ANKS1B: variants seen among roughly 807,000 people sequenced by gnomAD.
ANKS1B encodes the protein ankyrin repeat and sterile alpha motif domain-containing protein 1B.
Under a neutral mutation model 148.3 loss-of-function variants are expected in ANKS1B, and 36 were observed. The ratio of observed to expected loss-of-function variants is 0.24; its 90% CI spans 0.19 to 0.32. The LOEUF (loss-of-function observed/expected upper bound fraction) is 0.32. ANKS1B is among the 10% of genes least tolerant of loss of function. The pLI is 1.00. For missense variants in ANKS1B, 1,157 were observed against 1,542.6 expected, an observed-to-expected ratio of 0.75 and a Z score of 4.19; for synonymous variants, 542 against 560.8, an observed-to-expected ratio of 0.97 and a Z score of 0.47.
intron 16 of ANKS1B, among the ~76,000 whole-genome samples, chr12:99,073,010 A>T (rs553065231): frequency 6.6e-6 from 1 of 152,342 alleles, no homozygotes; most frequent in South Asian, 2.1e-4. Context: ...TTTCAATACA[A>T]TTAATGGGCC....
chr12:99,770,192 C>T (rs1489099462), intron 8 of ANKS1B, among the ~76,000 whole-genome samples: 5 of 152,274 alleles, frequency 3.3e-5, no homozygotes, highest in Admixed American at 1.3e-4. Context: ...ACTTAAATCA[C>T]GTAAAGCATT....
At chr12:99,320,967 C>A (rs570921275) in intron 12 of ANKS1B, among the ~76,000 whole-genome samples, 1 of 152,280 alleles carries the variant, frequency 6.6e-6, no homozygotes, top group African/African-American at 2.4e-5. Flanking sequence ...TGCTGGAGGT[C>A]CACTCCAGAC....
At chr12:99,729,246 G>A (rs532456319) in intron 8 of ANKS1B, among the ~76,000 whole-genome samples, 1 of 152,072 alleles carries the variant, frequency 6.6e-6, no homozygotes, top group East Asian at 1.9e-4. Flanking sequence ...GCTAATTTTT[G>A]GCACCTTAAA....
rs193221577 is a variant in ANKS1B, at chr12:99,549,009, T to C, written c.1273-44368A>G. On this transcript the variant is annotated intron_variant, in intron 9 of 26. Coordinates refer to ENST00000683438, the MANE Select transcript of ANKS1B (RefSeq NM_001352186.2). ...GGACATAACATATAACAAAAAGGCA[T>C]ACTAGTGGGGAACTGGAGGTGGGGG... is the stretch of plus-strand genomic sequence containing the variant. Among the ~76,000 whole-genome samples the C allele has an allele frequency of 1.9e-3, 290 of 152,272 alleles. 1 individual carries two copies. Among genetic ancestry groups the C allele is most frequent in the African/African-American group, 6.8e-3 (281 of 41,558 alleles).
chr12:99,344,962 C>T (rs1208895914), intron 12 of ANKS1B: 1 of 152,008 alleles, frequency 6.6e-6, no homozygotes, highest in Non-Finnish European at 1.5e-5. Flanking sequence ...AGAAGAAAAG[C>T]ATTTAAGCTA....
intron 14 of ANKS1B, among the ~76,000 whole-genome samples, chr12:99,208,063 A>T (rs1422916959): frequency 6.6e-6 from 1 of 152,096 alleles, no homozygotes; most frequent in Admixed American, 6.6e-5. Flanking sequence ...GGAATTATTG[A>T]TCTGTTCTTA....
At chr12:98,857,312 T>C (rs2099576916) in intron 17 of ANKS1B, among the ~76,000 whole-genome samples, 1 of 152,150 alleles carries the variant, frequency 6.6e-6, no homozygotes, top group Non-Finnish European at 1.5e-5. Context: ...TGGGATACGG[T>C]GTGAGCAATG....
At chr12:99,898,988 C>T (rs926745698) in intron 1 of ANKS1B, among the ~76,000 whole-genome samples, 2 of 152,118 alleles carry the variant, frequency 1.3e-5, no homozygotes, top group African/African-American at 4.8e-5. Context: ...GGTTAGACAA[C>T]TTAATGAAGT....
chr12:99,154,165 A>G, intron 15 of ANKS1B, 124 bp downstream of exon 15: 1 of 1,217,072 alleles, frequency 8.2e-7, no homozygotes, highest in Non-Finnish European at 1.1e-6. Context: ...CCAATTTTCC[A>G]ATGCAGTTAC....
intron 9 of ANKS1B, among the ~76,000 whole-genome samples, chr12:99,608,325 G>A (rs2097866769): frequency 6.6e-6 from 1 of 151,970 alleles, no homozygotes; most frequent in South Asian, 2.1e-4. Flanking sequence ...AAATTCCTTT[G>A]ACCAACTTAG....
chr12:99,131,144 C>T (rs2065974025), intron 15 of ANKS1B, among the ~76,000 whole-genome samples: 1 of 152,180 alleles, frequency 6.6e-6, no homozygotes, highest in Admixed American at 6.5e-5. Flanking sequence ...TTGCTTTATT[C>T]TTCCTTCTGC....
At chr12:99,362,646 A>C (rs955270019) in intron 12 of ANKS1B, among the ~76,000 whole-genome samples, 1 of 152,062 alleles carries the variant, frequency 6.6e-6, no homozygotes, top group South Asian at 2.1e-4. Flanking sequence ...ACATTTTACT[A>C]TATATTTATA....
chr12:99,851,592 A>G (rs1440629358), intron 1 of ANKS1B, among the ~76,000 whole-genome samples: 1 of 152,188 alleles, frequency 6.6e-6, no homozygotes, highest in Non-Finnish European at 1.5e-5. Context: ...AATATTATTT[A>G]GTAAACTGGA....
At chr12:99,962,209 A>AC (rs2095422180) in intron 1 of ANKS1B, among the ~76,000 whole-genome samples, 1 of 150,312 alleles carries the variant, frequency 6.7e-6, no homozygotes. Context: ...TAACCCTCCC[A>AC]CCCCCATCAG....
At chr12:99,164,279 G>A (rs2153832266) in intron 14 of ANKS1B, among the ~76,000 whole-genome samples, 1 of 152,204 alleles carries the variant, frequency 6.6e-6, no homozygotes, top group Middle Eastern at 3.4e-3. Flanking sequence ...ATAGCCCAGA[G>A]CTGTAATATT....
At chr12:99,904,934 T>C (rs1188827760) in intron 1 of ANKS1B, among the ~76,000 whole-genome samples, 3 of 152,224 alleles carry the variant, frequency 2.0e-5, no homozygotes, top group African/African-American at 7.2e-5. Context: ...TTTGTATACT[T>C]AATTCCTAAC....
intron 17 of ANKS1B, among the ~76,000 whole-genome samples, chr12:98,929,749 A>T (rs1214057066): frequency 6.6e-6 from 1 of 152,086 alleles, no homozygotes; most frequent in Non-Finnish European, 1.5e-5. Flanking sequence ...CATTCAAAGG[A>T]ATGAAGTTGT....
intron 9 of ANKS1B, among the ~76,000 whole-genome samples, chr12:99,602,580 T>C (rs2097811973): frequency 6.6e-6 from 1 of 152,094 alleles, no homozygotes; most frequent in South Asian, 2.1e-4. Flanking sequence ...TTTTTCTTGC[T>C]TTTAGTTTTC....
chr12:99,284,008 T>C (rs1197968001), intron 12 of ANKS1B, among the ~76,000 whole-genome samples: 1 of 152,164 alleles, frequency 6.6e-6, no homozygotes, highest in Non-Finnish European at 1.5e-5. Flanking sequence ...TCCTCCTAAA[T>C]AATCCTAAAT....
Sources: gnomAD v4.1 joint callset for allele counts (sites outside exome capture counted in the v4.1 genomes callset) on GRCh38, gnomAD v4.1.1 for gene constraint, MANE v1.5 for transcripts, NCBI Gene and HGNC (gene_info 2026-07-23, HGNC 2026-07-21) for gene names.